Variants in ELOVL7 observed in about 807,000 individuals in gnomAD.
ELOVL7 encodes ELOVL fatty acid elongase 7, also known as very long chain fatty acid elongase 7.
A neutral mutation model predicts 35.7 loss-of-function variants in ELOVL7; 27 were observed. The observed-to-expected ratio is 0.76, with a 90% CI of 0.56 to 1.04. The LOEUF (loss-of-function observed/expected upper bound fraction) is 1.04. Among genes scored for constraint, ELOVL7 ranks in the 50% least tolerant of loss-of-function variants. The pLI is 0.00. For synonymous variants in ELOVL7, 113 were observed against 114.6 expected, an observed-to-expected ratio of 0.99 and a Z score of 0.09; for missense variants, 327 against 340.8, an observed-to-expected ratio of 0.96 and a Z score of 0.32.
Position 60,754,714 on chromosome 5 carries a change from G to A in ELOVL7, c.756C>T (p.Leu252=). 2 of 1,614,102 alleles carry A rather than the reference G, an allele frequency of 1.2e-6. No individual in the cohort carries two copies. The highest frequency in any genetic ancestry group is 1.1e-5 in the South Asian group (1 of 91,078). The part of the protein sequence containing the change: ...IMSYSFMFLL[L]FLHFWYRAYT... ...AAGCACGGTACCAAAAATGGAGAAA[G>A]AGCAGCAGAAACATGAAACTGTAAC... The change falls in exon 9 of 9, where the codon CTC becomes CTT. Residue 252 remains leucine (L), a synonymous_variant. Transcript: ENST00000508821.
intron 1 of ELOVL7, among the ~76,000 whole-genome samples, chr5:60,835,720 T>G (rs985593690): frequency 6.6e-6 from 1 of 152,098 alleles, no homozygotes; most frequent in African/African-American, 2.4e-5. Context: ...GCCATCTTTC[T>G]GATTTTTTTA....
intron 1 of ELOVL7, among the ~76,000 whole-genome samples, chr5:60,835,965 A>G (rs1746773960): frequency 6.6e-6 from 1 of 152,028 alleles, no homozygotes; most frequent in South Asian, 2.1e-4. Context: ...ACTAGAAGCC[A>G]CTGTTCATCA....
chr5:60,813,153 C>T (rs767849499), intron 1 of ELOVL7, among the ~76,000 whole-genome samples: 4 of 152,158 alleles, frequency 2.6e-5, no homozygotes, highest in South Asian at 4.1e-4. Flanking sequence ...TTTATTGATC[C>T]GTCACCTTCA....
intron 1 of ELOVL7, among the ~76,000 whole-genome samples, chr5:60,822,660 C>A (rs1310051777): frequency 6.6e-6 from 1 of 151,994 alleles, no homozygotes; most frequent in East Asian, 1.9e-4. Context: ...ATGAAAACCA[C>A]AGTAATAGAT....
intron 6 of ELOVL7, 52 bp from the exon 7 acceptor site, chr5:60,764,384 T>C: frequency 1.5e-6 from 2 of 1,351,438 alleles, no homozygotes; most frequent in Non-Finnish European, 2.1e-6. Flanking sequence ...TGATAGTGTA[T>C]TGAGTATTAT....
At chr5:60,771,105 T>C (rs1345090837) in intron 4 of ELOVL7, among the ~76,000 whole-genome samples, 7 of 152,142 alleles carry the variant, frequency 4.6e-5, no homozygotes, top group Non-Finnish European at 7.4e-5. Context: ...TGGGCCCATA[T>C]TGGGCCCTCG....
chr5:60,784,304 CA>C, intron 3 of ELOVL7: 9 of 456,510 alleles, frequency 2.0e-5, no homozygotes, highest in South Asian at 6.0e-5. Flanking sequence ...CATCTTCTTG[CA>C]AAAAAAGGAT....
chr5:60,844,172 G>A lies in ELOVL7; in HGVS notation c.-98C>T, dbSNP rs890466998. On this transcript the variant is annotated 5_prime_UTR_variant, in exon 1 of 9. Transcript: ENST00000508821. The stretch of plus-strand genomic sequence containing the variant: ...ACCCCGCACTCACCGCACAGGGAGC[G>A]GAGCCGAAGCGCCGGGCGCGCGCGG... The A allele has an allele frequency of 6.6e-6, 1 of 151,956 alleles. No individual in the cohort carries two copies. Among genetic ancestry groups the A allele is most frequent in the Non-Finnish European group, 1.5e-5 (1 of 68,020 alleles). 9.4% of individuals were successfully genotyped at this position (151,956 alleles called of 1,614,324 possible).
At chr5:60,834,298 C>T (rs867080254) in intron 1 of ELOVL7, among the ~76,000 whole-genome samples, 32 of 152,234 alleles carry the variant, frequency 2.1e-4, no homozygotes, top group Middle Eastern at 3.4e-3. Flanking sequence ...CCCGCCACCA[C>T]ACCTGGCTAA....
chr5:60,795,101 T>C lies in ELOVL7; in HGVS notation c.-35+4079A>G, dbSNP rs371087171. ...TGCAGAAGCTGTTGAGCAAAAGCAG[T>C]GTGGAGAATAAAAAGGCAAAGGCAG... On this transcript the variant is annotated intron_variant, in intron 2 of 8. Transcript: ENST00000508821. Among the ~76,000 whole-genome samples the C allele has an allele frequency of 2.6e-5, 4 of 152,004 alleles. No homozygotes were observed. The East Asian group carries it at 5.8e-4, about 22-fold the overall frequency.
At chr5:60,800,181 A>C (rs1269089501) in intron 1 of ELOVL7, among the ~76,000 whole-genome samples, 6 of 152,182 alleles carry the variant, frequency 3.9e-5, no homozygotes, top group Admixed American at 1.3e-4. Context: ...CACTACAAAA[A>C]AAGAAAACTT....
At position 60,770,854 on chromosome 5, in the gene ELOVL7, C is replaced by A. The variant is rs575196630; in HGVS notation, c.255+1049G>T. On this transcript the variant is annotated intron_variant, in intron 4 of 8. Transcript: ENST00000508821. ...CTGGGACCACGGGCGTGCACCGCCA[C>A]GCCTGGCTAATTTTTTTGTATTTTT... Among the ~76,000 whole-genome samples, 7 of 152,286 alleles carry A rather than the reference C, an allele frequency of 4.6e-5. No individual in the cohort carries two copies. In the South Asian group the frequency reaches 1.2e-3, roughly 27 times the overall value.
chr5:60,818,183 T>C (rs1173659631), intron 1 of ELOVL7, among the ~76,000 whole-genome samples: 1 of 151,558 alleles, frequency 6.6e-6, no homozygotes, highest in Non-Finnish European at 1.5e-5. Context: ...CTGGGTGTGG[T>C]GGCGGGCGCC....
At chr5:60,833,885 T>C (rs1422674616) in intron 1 of ELOVL7, among the ~76,000 whole-genome samples, 2 of 152,146 alleles carry the variant, frequency 1.3e-5, no homozygotes, top group Non-Finnish European at 2.9e-5. Context: ...AAAATATAAT[T>C]TTATTTTTCT....
chr5:60,839,789 CAGGAG>C (rs1747051859), intron 1 of ELOVL7, among the ~76,000 whole-genome samples: 1 of 152,188 alleles, frequency 6.6e-6, no homozygotes, highest in South Asian at 2.1e-4. Flanking sequence ...CATTTCAGCC[CAGGAG>C]TTCAAGACCA....
intron 3 of ELOVL7, among the ~76,000 whole-genome samples, chr5:60,780,167 T>A (rs1410573842): frequency 6.7e-6 from 1 of 148,550 alleles, no homozygotes; most frequent in Non-Finnish European, 1.5e-5. Flanking sequence ...TTGCCCAGGC[T>A]GGAGTGCAAC....
At chr5:60,812,472 C>T (rs749808315) in intron 1 of ELOVL7, among the ~76,000 whole-genome samples, 16 of 150,230 alleles carry the variant, frequency 1.1e-4, no homozygotes, top group African/African-American at 2.0e-4. Context: ...CTGGAGAGGA[C>T]AAGCTGCAAA....
chr5:60,819,163 T>G (rs1745741428), intron 1 of ELOVL7, among the ~76,000 whole-genome samples: 1 of 146,084 alleles, frequency 6.8e-6, no homozygotes, highest in Non-Finnish European at 1.5e-5. Flanking sequence ...TAGACCTCAA[T>G]ATACTAAAAA....
intron 8 of ELOVL7, among the ~76,000 whole-genome samples, chr5:60,755,975 GTCA>G (rs1362870979): frequency 3.9e-5 from 6 of 152,056 alleles, no homozygotes; most frequent in African/African-American, 1.2e-4. Context: ...TTTTATCCTT[GTCA>G]TCATCAACTT....
Sources: gnomAD v4.1 joint callset for allele counts (sites outside exome capture counted in the v4.1 genomes callset) on GRCh38, gnomAD v4.1.1 for gene constraint, MANE v1.5 for transcripts, NCBI Gene and HGNC (gene_info 2026-07-23, HGNC 2026-07-21) for gene names.